Variants in CACNA1A observed in about 807,000 individuals in gnomAD.
The protein encoded by CACNA1A is voltage-dependent P/Q-type calcium channel subunit alpha-1A.
In CACNA1A, 57 loss-of-function variants were observed where a neutral mutation model predicts 262.4. The ratio of observed to expected loss-of-function variants is 0.22; its 90% CI spans 0.18 to 0.27. The LOEUF (loss-of-function observed/expected upper bound fraction) is 0.27. Ranked by LOEUF, CACNA1A falls within the 10% of genes least tolerant of loss-of-function variation. The pLI, the probability that CACNA1A is intolerant of heterozygous loss-of-function variation, is 1.00. For synonymous variants in CACNA1A, 1,431 were observed against 1,419.3 expected (o/e 1.01, Z -0.18); for missense variants, 2,526 against 3,562.8 (o/e 0.71, Z 7.41).
chr19:13,462,285 G>A (rs543570284), intron 1 of CACNA1A, among the ~76,000 whole-genome samples: 1 of 152,266 alleles, frequency 6.6e-6, no homozygotes, highest in South Asian at 2.1e-4. Flanking sequence ...TGATGGGTGG[G>A]TTCTAAGGAA....
chr19:13,271,952 CA>C (rs956663634), intron 24 of CACNA1A: 6 of 151,830 alleles, frequency 4.0e-5, no homozygotes, highest in African/African-American at 1.5e-4. Context: ...TTAGTAGAGA[CA>C]GGGTTTTACC....
At position 13,208,748 on chromosome 19, in the gene CACNA1A, G is replaced by T. The variant is rs774169958; in HGVS notation, c.6780+8C>A. Reference sequence around the variant, plus strand: ...GCCCAGCCTGGGGTCACTTGCAGCCGCACCCACCTGCCGGTGCGCCATGTG... The same window carrying T: ...GCCCAGCCTGGGGTCACTTGCAGCCTCACCCACCTGCCGGTGCGCCATGTG... On this transcript the variant is annotated splice_region_variant and intron_variant, in intron 46 of 46. Coordinates refer to ENST00000360228, the MANE Select transcript of CACNA1A (RefSeq NM_001127222.2). 1.3e-6 allele frequency: 2 copies of T among 1,568,320 alleles called. No individual in the cohort carries two copies. Among genetic ancestry groups the T allele is most frequent in the Non-Finnish European group, 1.7e-6 (2 of 1,163,264 alleles).
chr19:13,308,418 T>C lies in CACNA1A; in HGVS notation c.1779A>G (p.Thr593=), dbSNP rs748201149. 2 of 1,610,570 alleles carry C rather than the reference T, an allele frequency of 1.2e-6. No homozygotes were observed. The highest frequency in any genetic ancestry group is 2.2e-5 in the South Asian group (2 of 90,474). Residue 593 remains threonine, a splice_region_variant and synonymous_variant, in exon 13 of 47, where the codon ACA becomes ACG. Coordinates refer to ENST00000360228, the MANE Select transcript of CACNA1A (RefSeq NM_001127222.2). The surrounding 1 kb of genome is among the most constrained non-coding windows in gnomAD (Gnocchi z 4.2). ...GTCCAGGAACCCCAAAGACTTACTT[T>C]GTGACTTTGAAAATACGCAATAACC... ...ALRLLRIFKV[T]KYWASLRNLV...
At chr19:13,290,321 C>T (rs1403749368) in intron 19 of CACNA1A, among the ~76,000 whole-genome samples, 3 of 151,908 alleles carry the variant, frequency 2.0e-5, no homozygotes, top group Admixed American at 2.0e-4. Context: ...GCTTGTGATG[C>T]TTTTTGAGAA....
rs796308438 is a variant in CACNA1A at position 13,236,771 on chromosome 19, CCT to C, written c.4951-1043_4951-1042del. Among the ~76,000 whole-genome samples the C allele has an allele frequency of 1.3e-4, 20 of 152,142 alleles. No individual in the cohort carries two copies. Among genetic ancestry groups the C allele is most frequent in the East Asian group, 1.9e-4 (1 of 5,142 alleles). Reference sequence around the variant, plus strand: ...GGCCACTGCCTCTGCTCAAAAACCCCCTGTCTAGTCACTGCCTCTGCCTCCTC... The same window carrying C: ...GGCCACTGCCTCTGCTCAAAAACCCCGTCTAGTCACTGCCTCTGCCTCCTC... On this transcript the variant is annotated intron_variant, in intron 31 of 46. Transcript: ENST00000360228. This position sits in a 1 kb window ranked among gnomAD's most constrained non-coding sequence, Gnocchi z 4.6.
chr19:13,505,389 C>T (rs756178583), intron 1 of CACNA1A, among the ~76,000 whole-genome samples: 14 of 152,210 alleles, frequency 9.2e-5, no homozygotes, highest in Non-Finnish European at 1.3e-4. Context: ...GCTCTTAGCC[C>T]TGGGAGCCCC....
At chr19:13,447,817 G>A (rs2060843068) in intron 3 of CACNA1A, among the ~76,000 whole-genome samples, 1 of 152,210 alleles carries the variant, frequency 6.6e-6, no homozygotes, top group Non-Finnish European at 1.5e-5. Context: ...GACTCAGCAA[G>A]TCTACTCTTT....
intron 4 of CACNA1A, among the ~76,000 whole-genome samples, chr19:13,370,073 G>A (rs909635198): frequency 7.9e-5 from 12 of 151,974 alleles, no homozygotes; most frequent in African/African-American, 2.7e-4. Flanking sequence ...TTAGAATAAT[G>A]TCTGGCACAT....
intron 1 of CACNA1A, among the ~76,000 whole-genome samples, chr19:13,497,951 A>G (rs555478460): frequency 1.3e-5 from 2 of 151,794 alleles, no homozygotes; most frequent in South Asian, 2.1e-4. Flanking sequence ...CCCAAGCTCT[A>G]TATGTCTCCC....
chr19:13,487,443 T>C (rs1980153408), intron 1 of CACNA1A, among the ~76,000 whole-genome samples: 1 of 151,798 alleles, frequency 6.6e-6, no homozygotes, highest in African/African-American at 2.4e-5. Context: ...AAAATCAGAA[T>C]AGGTCAATCT....
intron 10 of CACNA1A, among the ~76,000 whole-genome samples, chr19:13,317,538 C>G (rs566302888): frequency 1.6e-3 from 243 of 152,234 alleles, no homozygotes; most frequent in Non-Finnish European, 2.3e-3. Flanking sequence ...TTAGAAGTAA[C>G]CAATTGATGG....
intron 19 of CACNA1A, 45 bp downstream of exon 19, chr19:13,298,499 T>C (rs1177873102): frequency 9.5e-6 from 14 of 1,476,468 alleles, no homozygotes; most frequent in Non-Finnish European, 1.3e-5. Context: ...GTTGTCATTA[T>C]TAATGTTACC....
intron 10 of CACNA1A, among the ~76,000 whole-genome samples, chr19:13,323,156 G>A (rs907169922): frequency 6.6e-6 from 1 of 152,150 alleles, no homozygotes; most frequent in East Asian, 1.9e-4. Flanking sequence ...TTACTCGGGA[G>A]GCTGAGGCAG....
chr19:13,297,831 A>ATT (rs367899263), intron 19 of CACNA1A, among the ~76,000 whole-genome samples: 9 of 144,126 alleles, frequency 6.2e-5, no homozygotes, highest in African/African-American at 1.3e-4. Context: ...AACATACAGC[A>ATT]TTTTTTTTTT....
In CACNA1A at chr19:13,241,503, G is replaced by A; in HGVS notation, c.4950+3679C>T. On this transcript the variant is annotated intron_variant, in intron 31 of 46. Transcript: ENST00000360228. The surrounding 1 kb of genome is among the most constrained non-coding windows in gnomAD (Gnocchi z 4.0). ...GTTAATGTAAGGCATTTAGACTTCA[G>A]AAAGAAGTAAGACCAACCGGATTCT... 7.9e-7 allele frequency: 1 copy of A among 1,273,340 alleles called. No homozygotes were observed. The highest frequency in any genetic ancestry group is 1.0e-6 in the Non-Finnish European group (1 of 974,612). The allele number at this position is 1,273,340 out of a possible 1,614,324, so 78.9% of individuals were successfully genotyped here. A position where few individuals can be genotyped will look rare whatever the true frequency, so the allele number is the denominator to read the frequency against.
At chr19:13,489,242 C>T (rs1297886351) in intron 1 of CACNA1A, among the ~76,000 whole-genome samples, 3 of 151,452 alleles carry the variant, frequency 2.0e-5, no homozygotes, top group African/African-American at 4.9e-5. Flanking sequence ...GATCTCCTGA[C>T]CTCATGATCT....
intron 19 of CACNA1A, among the ~76,000 whole-genome samples, chr19:13,288,760 C>T (rs1345929287): frequency 6.6e-6 from 1 of 152,072 alleles, no homozygotes; most frequent in East Asian, 1.9e-4. Flanking sequence ...CCCTGGTTTC[C>T]CATAAATCTA....
chr19:13,346,824 C>T (rs1487971403), intron 6 of CACNA1A, among the ~76,000 whole-genome samples: 4 of 148,396 alleles, frequency 2.7e-5, no homozygotes, highest in East Asian at 2.0e-4. Flanking sequence ...GGACTACAGG[C>T]GCCTGCCACC....
intron 3 of CACNA1A, among the ~76,000 whole-genome samples, chr19:13,441,252 C>T (rs2144879369): frequency 6.6e-6 from 1 of 152,308 alleles, no homozygotes; most frequent in Middle Eastern, 3.4e-3. Flanking sequence ...AAGACCAGGT[C>T]TTAACCACTA....
Sources: gnomAD v4.1 joint callset for allele counts (sites outside exome capture counted in the v4.1 genomes callset) on GRCh38, gnomAD v4.1.1 for gene constraint, Gnocchi (gnomAD v3.1) non-coding constraint, MANE v1.5 for transcripts, NCBI Gene and HGNC (gene_info 2026-07-23, HGNC 2026-07-21) for gene names.